ZFP42: variants seen among roughly 807,000 people sequenced by gnomAD.
ZFP42 encodes ZFP42 zinc finger protein, also known as zinc finger protein 42 homolog.
For missense variants in ZFP42, 438 were observed against 377.1 expected, an observed-to-expected ratio of 1.16 and a Z score of -1.34; for synonymous variants, 175 against 144.6, an observed-to-expected ratio of 1.21 and a Z score of -1.51.
In ZFP42 at chr4:188,003,368, A is replaced by G; in HGVS notation, c.561A>G (p.Ala187=). The change falls in exon 4 of 4, where the codon GCA becomes GCG. Residue 187 remains alanine (A), a synonymous_variant. Coordinates refer to ENST00000326866, the MANE Select transcript of ZFP42 (RefSeq NM_174900.5). ...ATAAAGAATATGACAGTCTGAGCGC[A>G]ATCGCTTGTCCTCAGAGTGGATGCA... ...PINKEYDSLS[A]IACPQSGCTR... is the part of the protein sequence containing the mutation. 1 of 1,614,074 alleles carries G rather than the reference A, an allele frequency of 6.2e-7. No homozygotes were observed. The highest frequency in any genetic ancestry group is 1.3e-5 in the African/African-American group (1 of 75,038).
chr4:187,997,049 A>G (rs886742480), intron 1 of ZFP42, among the ~76,000 whole-genome samples: 12 of 148,702 alleles, frequency 8.1e-5, no homozygotes, highest in Non-Finnish European at 1.6e-4. Context: ...AGCATGGAGC[A>G]TGGCCTGCAG....
chr4:187,996,297 A>G (rs1476920786), intron 1 of ZFP42, among the ~76,000 whole-genome samples: 1 of 151,350 alleles, frequency 6.6e-6, no homozygotes, highest in Non-Finnish European at 1.5e-5. Context: ...CAAAAAACCT[A>G]GGAGACTCTT....
At chr4:187,996,938 G>A (rs921182386) in intron 1 of ZFP42, among the ~76,000 whole-genome samples, 27 of 150,950 alleles carry the variant, frequency 1.8e-4, no homozygotes, top group Admixed American at 1.6e-3. Context: ...CGTCAGCCCC[G>A]CGCCTGGGCC....
At position 188,002,758 on chromosome 4, in the gene ZFP42, G is replaced by A; in HGVS notation, c.-50G>A. The A allele has an allele frequency of 6.6e-7, 1 of 1,513,622 alleles. No individual in the cohort carries two copies. Among genetic ancestry groups the A allele is most frequent in the Non-Finnish European group, 9.1e-7 (1 of 1,100,572 alleles). 93.8% of individuals were successfully genotyped at this position (1,513,622 alleles called of 1,614,324 possible). ...ACTCAGATCACTACTGCCTGGAGGT[G>A]GTTGATATATCCTGGTGTAAACCTT... On this transcript the variant is annotated 5_prime_UTR_variant, in exon 4 of 4. Coordinates refer to ENST00000326866, the MANE Select transcript of ZFP42 (RefSeq NM_174900.5).
At chr4:187,996,987 G>GGGAGCATGGAGCGT (rs1560910986) in intron 1 of ZFP42, among the ~76,000 whole-genome samples, 1 of 58,912 alleles carries the variant, frequency 1.7e-5, no homozygotes, top group Non-Finnish European at 3.0e-5. Flanking sequence ...CATAGCTGTA[G>GGGAGCATGGAGCGT]GGAGCATGGA....
chr4:188,001,722 A>G (rs569279587), intron 3 of ZFP42, among the ~76,000 whole-genome samples: 1 of 152,370 alleles, frequency 6.6e-6, no homozygotes, highest in African/African-American at 2.4e-5. Flanking sequence ...CAGTCTAGAA[A>G]GAACCTGGCG....
intron 1 of ZFP42, among the ~76,000 whole-genome samples, chr4:187,996,612 A>G (rs1733579753): frequency 6.6e-6 from 1 of 151,810 alleles, no homozygotes; most frequent in African/African-American, 2.4e-5. Flanking sequence ...GCCGGGCGAG[A>G]CTCATTCTTG....
At chr4:187,998,779 T>C (rs1309563803) in intron 1 of ZFP42, among the ~76,000 whole-genome samples, 1 of 152,204 alleles carries the variant, frequency 6.6e-6, no homozygotes. Flanking sequence ...AGCTACACTC[T>C]GTGATGTTCA....
rs762710605 is a variant in ZFP42 at position 188,003,017 on chromosome 4, CTG to C, written c.212_213del (p.Cys71LeufsTer9). Reference sequence around the variant, plus strand: ...CTCTCGGAGGGGATGATTTCTCAGACTGTTACATAGAATGCGTCATAAGGGGT... The same window carrying C: ...CTCTCGGAGGGGATGATTTCTCAGACTTACATAGAATGCGTCATAAGGGGT... Reference protein sequence around the residue: ...QALGGDDFSDCYIECVIRGEF... With the variant: ...QALGGDDFSDXYIECVIRGEF... On this transcript the variant is annotated frameshift_variant, in exon 4 of 4. Transcript: ENST00000326866. LOFTEE classifies it low-confidence loss of function (END_TRUNC). The C allele has an allele frequency of 6.2e-7, 1 of 1,614,156 alleles. No individual in the cohort carries two copies. Among genetic ancestry groups the C allele is most frequent in the African/African-American group, 1.3e-5 (1 of 75,044 alleles).
chr4:188,003,719 G>A lies in ZFP42; in HGVS notation c.912G>A (p.Lys304=). Residue 304 remains lysine, a synonymous_variant, in exon 4 of 4, where the codon AAG becomes AAA. Coordinates refer to ENST00000326866, the MANE Select transcript of ZFP42 (RefSeq NM_174900.5). ...TCCTAACGCATGCAAATACGAACAAGAATGAACAAGAGGGAAAGTAGTCCT... is the reference window on the plus strand; with the variant it reads ...TCCTAACGCATGCAAATACGAACAAAAATGAACAAGAGGGAAAGTAGTCCT... ...AHILTHANTN[K]NEQEGK 6.2e-7 allele frequency: 1 copy of A among 1,611,270 alleles called. No homozygotes were observed. The highest frequency in any genetic ancestry group is 8.5e-7 in the Non-Finnish European group (1 of 1,177,770).
At chr4:187,997,002 GGAGCGTGGAGCGTGGAGCATGGAGCA>G (rs1733606236) in intron 1 of ZFP42, among the ~76,000 whole-genome samples, 1 of 18,312 alleles carries the variant, frequency 5.5e-5, no homozygotes, top group South Asian at 6.3e-3. Context: ...CATGGAGCAT[GGAGCGTGGAGCGTGGAGCATGGAGCA>G]TGGAGCGTGG....
rs1362365541 is a variant in ZFP42, at chr4:187,996,992, CATGGAG to C, written c.-339+1153_-339+1158del. 9.7e-3 allele frequency among the ~76,000 whole-genome samples: 485 copies of C among 49,934 alleles called. 6 individuals are homozygous for C. The East Asian group carries it at 0.44, about 45-fold the overall frequency. The allele number at this position is 49,934 out of a possible 152,430, so 32.8% of individuals were successfully genotyped here. On this transcript the variant is annotated intron_variant, in intron 1 of 3. Transcript: ENST00000326866. Reference sequence around the variant, plus strand: ...TCCTGCCCGCCATAGCTGTAGGGAGCATGGAGCATGGAGCGTGGAGCGTGGAGCATG... The same window carrying C: ...TCCTGCCCGCCATAGCTGTAGGGAGCCATGGAGCGTGGAGCGTGGAGCATG...
At chr4:187,997,368 G>C (rs1733642037) in intron 1 of ZFP42, among the ~76,000 whole-genome samples, 1 of 149,864 alleles carries the variant, frequency 6.7e-6, no homozygotes, top group Admixed American at 6.7e-5. Context: ...CGAGTAGCTG[G>C]GACTACAGGC....
intron 1 of ZFP42, among the ~76,000 whole-genome samples, chr4:187,996,854 C>T (rs1022378854): frequency 1.3e-5 from 2 of 152,152 alleles, no homozygotes; most frequent in South Asian, 4.1e-4. Context: ...AAAAAACTTG[C>T]TGTTTGCTTG....
chr4:188,003,797 A>G lies in ZFP42; in HGVS notation c.*57A>G, dbSNP rs1733949553. ...GAGTGATCAGTGACAAACATGCCTC[A>G]TTGATTATTGTTTCTAGGAAGGAAT... On this transcript the variant is annotated 3_prime_UTR_variant, in exon 4 of 4. Coordinates refer to ENST00000326866, the MANE Select transcript of ZFP42 (RefSeq NM_174900.5). 1 of 1,487,852 alleles carries G rather than the reference A, an allele frequency of 6.7e-7. No homozygotes were observed. Among genetic ancestry groups the G allele is most frequent in the East Asian group, 2.3e-5 (1 of 43,652 alleles). The allele number at this position is 1,487,852 out of a possible 1,614,324, so 92.2% of individuals were successfully genotyped here. A position where few individuals can be genotyped will look rare whatever the true frequency, so the allele number is the denominator to read the frequency against.
At chr4:188,002,584 A>G in intron 3 of ZFP42, 129 bp from the exon 4 acceptor site, 1 of 557,046 alleles carries the variant, frequency 1.8e-6, no homozygotes, top group Non-Finnish European at 3.2e-6. Context: ...CACAGAGCTC[A>G]TTCTTGGTCT....
At chr4:187,997,573 C>T (rs1050931915) in intron 1 of ZFP42, among the ~76,000 whole-genome samples, 1 of 151,656 alleles carries the variant, frequency 6.6e-6, no homozygotes, top group Non-Finnish European at 1.5e-5. Flanking sequence ...CTCAATCTGA[C>T]ATTTTTTGTT....
Position 187,996,987 on chromosome 4 carries a change from GGGAGCAT to G in ZFP42, c.-339+1160_-339+1166del, listed in dbSNP as rs1182237798. ...CACCTTCCTGCCCGCCATAGCTGTA[GGGAGCAT>G]GGAGCATGGAGCGTGGAGCGTGGAG... On this transcript the variant is annotated intron_variant, in intron 1 of 3. Transcript: ENST00000326866. Among the ~76,000 whole-genome samples the G allele has an allele frequency of 7.7e-3, 451 of 58,944 alleles. 3 individuals carry two copies. In the South Asian group the frequency reaches 0.12, roughly 15 times the overall value. The allele number at this position is 58,944 out of a possible 152,430, so 38.7% of individuals were successfully genotyped here.
At position 188,003,648 on chromosome 4, in the gene ZFP42, G is replaced by C; in HGVS notation, c.841G>C (p.Gly281Arg). Residue 281 changes from glycine to arginine, a missense_variant, in exon 4 of 4, where the codon GGC (glycine) becomes CGC (arginine). By Grantham distance (125) the Gly-to-Arg change is moderately radical (BLOSUM62 -2). Transcript: ENST00000326866. ...GAAACGTTTCGTGTGTCCCTTTCAA[G>C]GCTGCAACAGGAGGTTTATTCAGTC... Reference protein sequence around the residue: ...GEKRFVCPFQGCNRRFIQSNN... With the variant: ...GEKRFVCPFQRCNRRFIQSNN... 3 of 1,613,610 alleles carry C rather than the reference G, an allele frequency of 1.9e-6. No homozygotes were observed. Among genetic ancestry groups the C allele is most frequent in the Non-Finnish European group, 2.5e-6 (3 of 1,180,040 alleles).
Sources: allele counts gnomAD v4.1 joint callset (sites outside exome capture counted in the v4.1 genomes callset), GRCh38; gene constraint gnomAD v4.1.1; transcripts MANE v1.5; gene names NCBI Gene and HGNC (gene_info 2026-07-23, HGNC 2026-07-21).